Variants in KCTD9 observed in about 807,000 individuals in gnomAD.
The protein encoded by KCTD9 is BTB/POZ domain-containing protein KCTD9.
In KCTD9, 17 loss-of-function variants were observed where a neutral mutation model predicts 53.3. The ratio of observed to expected loss-of-function variants is 0.32; its 90% CI spans 0.22 to 0.48. The LOEUF (loss-of-function observed/expected upper bound fraction) is 0.48. KCTD9 is among the 20% of genes least tolerant of loss of function. The pLI, the probability that KCTD9 is intolerant of heterozygous loss-of-function variation, is 0.99. For synonymous variants in KCTD9, 128 were observed against 162.7 expected (o/e 0.79, Z 1.62); for missense variants, 179 against 465.5 (o/e 0.38, Z 5.66).
chr8:25,436,368 G>T (rs888208113), intron 7 of KCTD9, 38 bp from the exon 8 acceptor site: 3 of 1,589,646 alleles, frequency 1.9e-6, no homozygotes, highest in Non-Finnish European at 2.6e-6. Context: ...GAGTCTTTTG[G>T]GAGATAGCTA....
At chr8:25,445,359 C>T (rs1360138665) in intron 2 of KCTD9, among the ~76,000 whole-genome samples, 1 of 152,058 alleles carries the variant, frequency 6.6e-6, no homozygotes. Context: ...GTATATTATA[C>T]TGAAAGGTCA....
At chr8:25,433,512 A>C in intron 9 of KCTD9, 77 bp from the exon 10 acceptor site, 2 of 660,556 alleles carry the variant, frequency 3.0e-6, no homozygotes, top group Non-Finnish European at 4.9e-6. Context: ...AAAAGAAAAA[A>C]AATAGAAAAG....
chr8:25,453,992 C>A (rs2117446768), intron 1 of KCTD9, among the ~76,000 whole-genome samples: 1 of 152,324 alleles, frequency 6.6e-6, no homozygotes, highest in African/African-American at 2.4e-5. Flanking sequence ...CCAACTCTAA[C>A]AACGTAATGG....
intron 1 of KCTD9, among the ~76,000 whole-genome samples, chr8:25,448,652 C>G (rs1354347670): frequency 6.6e-6 from 1 of 152,124 alleles, no homozygotes; most frequent in Non-Finnish European, 1.5e-5. Context: ...CGGTGGCTCA[C>G]GCCTGTAAAA....
At chr8:25,450,323 A>T in intron 1 of KCTD9, 1 of 985,274 alleles carries the variant, frequency 1.0e-6, no homozygotes, top group African/African-American at 1.7e-5. Flanking sequence ...AGCACTAAAG[A>T]AGTACATTCC....
intron 6 of KCTD9, 111 bp downstream of exon 6, chr8:25,439,168 T>C (rs1802072518): frequency 2.4e-6 from 2 of 825,722 alleles, no homozygotes; most frequent in Admixed American, 6.9e-5. Context: ...AAAAAATATA[T>C]ACTTTTACTT....
At chr8:25,438,841 CTAAT>C (rs2117403595) in intron 6 of KCTD9, among the ~76,000 whole-genome samples, 1 of 152,318 alleles carries the variant, frequency 6.6e-6, no homozygotes, top group African/African-American at 2.4e-5. Context: ...AATCAAGACT[CTAAT>C]TGAGAATTAT....
chr8:25,439,459 A>C (rs1318162718), intron 5 of KCTD9, 52 bp from the exon 6 acceptor site: 1 of 1,574,294 alleles, frequency 6.4e-7, no homozygotes, highest in Non-Finnish European at 8.6e-7. Context: ...AAATAAAGTC[A>C]GAAATGTATG....
intron 4 of KCTD9, among the ~76,000 whole-genome samples, chr8:25,440,203 C>T (rs1409287611): frequency 2.7e-5 from 4 of 150,598 alleles, no homozygotes; most frequent in South Asian, 2.1e-4. Context: ...GGACTACAGG[C>T]GCCCGCCACT....
intron 1 of KCTD9, chr8:25,457,315 G>A: frequency 1.0e-6 from 1 of 976,730 alleles, no homozygotes; most frequent in Middle Eastern, 5.3e-4. Flanking sequence ...GACTCGTAAA[G>A]GCTGAGTTAC....
At chr8:25,435,579 T>C in intron 8 of KCTD9, 67 bp from the exon 9 acceptor site, 2 of 1,431,836 alleles carry the variant, frequency 1.4e-6, no homozygotes, top group Non-Finnish European at 1.9e-6. Flanking sequence ...TTAATTACTA[T>C]AGCTAACCAC....
intron 6 of KCTD9, among the ~76,000 whole-genome samples, chr8:25,437,040 C>CCAGAAG (rs1482590263): frequency 1.3e-5 from 2 of 152,160 alleles, no homozygotes; most frequent in Non-Finnish European, 2.9e-5. Flanking sequence ...ATACAGAAAA[C>CCAGAAG]CAGAAGCAGT....
intron 1 of KCTD9, among the ~76,000 whole-genome samples, chr8:25,447,541 A>G (rs1802237107): frequency 6.6e-6 from 1 of 152,228 alleles, no homozygotes; most frequent in Middle Eastern, 3.2e-3. Flanking sequence ...TAGAGTGGAC[A>G]GTTTCTAGTT....
At chr8:25,454,977 G>A (rs533110653) in intron 1 of KCTD9, among the ~76,000 whole-genome samples, 1 of 152,260 alleles carries the variant, frequency 6.6e-6, no homozygotes, top group South Asian at 2.1e-4. Flanking sequence ...TGTAATCCTA[G>A]CACTTTGGGA....
chr8:25,448,922 A>G (rs1365596436), intron 1 of KCTD9, among the ~76,000 whole-genome samples: 1 of 152,084 alleles, frequency 6.6e-6, no homozygotes, highest in Non-Finnish European at 1.5e-5. Context: ...CTCCAAGAAA[A>G]AAAAAAAGAA....
In KCTD9 at chr8:25,446,214, A is replaced by C; in HGVS notation, c.85T>G (p.Ser29Ala). 1 of 1,614,056 alleles carries C rather than the reference A, an allele frequency of 6.2e-7. No individual in the cohort carries two copies. Among genetic ancestry groups the C allele is most frequent in the Non-Finnish European group, 8.5e-7 (1 of 1,179,926 alleles). ...AVYGTLSDLLSVASSKLGIKA... is the reference protein window; with the variant it reads ...AVYGTLSDLLAVASSKLGIKA... ...ATGCCGAGTTTACTGCTGGCCACAG[A>C]AAGCAAATCAGATAAAGTTCCATAT... Residue 29 changes from serine (S) to alanine (A), a missense_variant, in exon 2 of 12, where the codon TCT becomes GCT. Transcript: ENST00000221200.
intron 3 of KCTD9, among the ~76,000 whole-genome samples, chr8:25,443,740 G>A (rs878953400): frequency 2.0e-5 from 3 of 152,326 alleles, no homozygotes; most frequent in Admixed American, 2.0e-4. Flanking sequence ...AGTGTGGACT[G>A]TATGGATCTA....
chr8:25,447,004 T>C (rs1802225567), intron 1 of KCTD9, among the ~76,000 whole-genome samples: 1 of 152,182 alleles, frequency 6.6e-6, no homozygotes, highest in African/African-American at 2.4e-5. Flanking sequence ...TGTAAGTGAA[T>C]TTTGTGCCCT....
Position 25,448,346 on chromosome 8 carries a change from G to A in KCTD9, c.49-2096C>T, listed in dbSNP as rs543507707. 5.9e-5 allele frequency among the ~76,000 whole-genome samples: 9 copies of A among 152,230 alleles called. No individual in the cohort carries two copies. The South Asian group carries it at 1.9e-3, about 32-fold the overall frequency. On this transcript the variant is annotated intron_variant, in intron 1 of 11. Transcript: ENST00000221200. ...AGTACCCAACACAGGCAAATTCATA[G>A]AGAAAGAAAGCAGAATAAAGGTTAC...
Sources: allele counts gnomAD v4.1 joint callset (sites outside exome capture counted in the v4.1 genomes callset), GRCh38; gene constraint gnomAD v4.1.1; transcripts MANE v1.5; gene names NCBI Gene and HGNC (gene_info 2026-07-23, HGNC 2026-07-21).